LHFPL6: variants seen among roughly 807,000 people sequenced by gnomAD.
LHFPL6 encodes LHFPL tetraspan subfamily member 6 protein.
Under a neutral mutation model 20.6 loss-of-function variants are expected in LHFPL6, and 9 were observed. That is an observed-to-expected ratio of 0.44 (90% CI 0.26 to 0.76). The LOEUF (loss-of-function observed/expected upper bound fraction) is 0.76, where lower values mean the gene tolerates loss of function less well. Among genes scored for constraint, LHFPL6 ranks in the 30% least tolerant of loss-of-function variants. The pLI is 0.20. For missense variants in LHFPL6, 218 were observed against 253.5 expected, an observed-to-expected ratio of 0.86 and a Z score of 0.95; for synonymous variants, 105 against 98.7, an observed-to-expected ratio of 1.06 and a Z score of -0.38.
chr13:39,480,191 C>G (rs1379159487), intron 2 of LHFPL6, among the ~76,000 whole-genome samples: 1 of 152,062 alleles, frequency 6.6e-6, no homozygotes, highest in East Asian at 1.9e-4. Flanking sequence ...TAGAAAAGAA[C>G]AAGAAGAAAA....
intron 2 of LHFPL6, among the ~76,000 whole-genome samples, chr13:39,524,344 G>GAA (rs11374987): frequency 7.9e-4 from 115 of 145,572 alleles, no homozygotes; most frequent in African/African-American, 1.3e-3. Flanking sequence ...GTAAGGCCTA[G>GAA]AAAAAAAAAA....
At chr13:39,598,079 T>G (rs1026943932) in intron 2 of LHFPL6, among the ~76,000 whole-genome samples, 1 of 152,234 alleles carries the variant, frequency 6.6e-6, no homozygotes, top group Admixed American at 6.5e-5. Flanking sequence ...CATAGCAAAG[T>G]TCCCTGTATG....
At chr13:39,505,168 T>C (rs928338057) in intron 2 of LHFPL6, among the ~76,000 whole-genome samples, 1 of 152,194 alleles carries the variant, frequency 6.6e-6, no homozygotes, top group Non-Finnish European at 1.5e-5. Context: ...CAGTCAACCA[T>C]TCCAGGAGGA....
chr13:39,411,536 C>T (rs529946576), intron 2 of LHFPL6, among the ~76,000 whole-genome samples: 17 of 152,310 alleles, frequency 1.1e-4, no homozygotes, highest in South Asian at 8.3e-4. Flanking sequence ...CTAAGCTTAA[C>T]CAAGTCCTGC....
chr13:39,528,846 C>T (rs1264380910), intron 2 of LHFPL6, among the ~76,000 whole-genome samples: 1 of 152,202 alleles, frequency 6.6e-6, no homozygotes, highest in East Asian at 1.9e-4. Context: ...TTAACACAAC[C>T]CAGAATGAAT....
In LHFPL6 at chr13:39,557,958, C is replaced by A. The variant is rs371210791; in HGVS notation, c.385+42874G>T. On this transcript the variant is annotated intron_variant, in intron 2 of 3. Transcript: ENST00000379589. The stretch of plus-strand genomic sequence containing the variant: ...CTCTGGCCATGACACACCTGCTCCC[C>A]CTTTGTCTTCTGCCATGATTGGAAG... Among the ~76,000 whole-genome samples the A allele has an allele frequency of 3.1e-4, 47 of 152,302 alleles. No individual in the cohort carries two copies. The East Asian group carries it at 4.8e-3, about 16-fold the overall frequency.
chr13:39,381,198 AGTTTT>A (rs1870428291), intron 2 of LHFPL6, among the ~76,000 whole-genome samples: 1 of 152,174 alleles, frequency 6.6e-6, no homozygotes, highest in African/African-American at 2.4e-5. Context: ...AATGAAAAAC[AGTTTT>A]ATTTGCTAAT....
rs1294677286 is a variant in LHFPL6 at position 39,556,835 on chromosome 13, C to A, written c.385+43997G>T. On this transcript the variant is annotated intron_variant, in intron 2 of 3. Transcript: ENST00000379589. ...AAATCAGCCAGCCATGATGGCACAT[C>A]CCTGTAGTCCCAGCTACTCAAGAGG... Among the ~76,000 whole-genome samples, 5 of 149,798 alleles carry A rather than the reference C, an allele frequency of 3.3e-5. No individual in the cohort carries two copies. The South Asian group carries it at 8.7e-4, about 26-fold the overall frequency.
chr13:39,436,993 C>G (rs575632710), intron 2 of LHFPL6, among the ~76,000 whole-genome samples: 10 of 152,304 alleles, frequency 6.6e-5, no homozygotes, highest in African/African-American at 2.2e-4. Flanking sequence ...TATTTTATAA[C>G]CTGCCTAGAC....
At chr13:39,547,924 G>A (rs1871029757) in intron 2 of LHFPL6, among the ~76,000 whole-genome samples, 1 of 152,012 alleles carries the variant, frequency 6.6e-6, no homozygotes, top group Non-Finnish European at 1.5e-5. Context: ...TTATACCTTA[G>A]ATGCAAACTT....
intron 2 of LHFPL6, among the ~76,000 whole-genome samples, chr13:39,559,928 A>G (rs1316642237): frequency 6.6e-6 from 1 of 152,214 alleles, no homozygotes; most frequent in African/African-American, 2.4e-5. Context: ...ATTTAAGAAA[A>G]TCCTTCCCAC....
At chr13:39,400,391 C>G (rs1264099068) in intron 2 of LHFPL6, among the ~76,000 whole-genome samples, 1 of 152,216 alleles carries the variant, frequency 6.6e-6, no homozygotes, top group Non-Finnish European at 1.5e-5. Flanking sequence ...GGCTTCCATA[C>G]TAGTCAACAC....
intron 2 of LHFPL6, among the ~76,000 whole-genome samples, chr13:39,444,859 G>T (rs1477987576): frequency 6.6e-6 from 1 of 152,140 alleles, no homozygotes; most frequent in Non-Finnish European, 1.5e-5. Context: ...GAATGGTGTG[G>T]CCCCTGAGAC....
intron 2 of LHFPL6, among the ~76,000 whole-genome samples, chr13:39,515,638 G>A (rs942558347): frequency 2.6e-5 from 4 of 152,036 alleles, no homozygotes; most frequent in African/African-American, 9.7e-5. Flanking sequence ...ATCTCTGCCC[G>A]ACAGCAAAGC....
intron 2 of LHFPL6, among the ~76,000 whole-genome samples, chr13:39,596,583 A>G (rs1872777241): frequency 6.6e-6 from 1 of 152,068 alleles, no homozygotes; most frequent in African/African-American, 2.4e-5. Flanking sequence ...ACTCACCTGG[A>G]CCTTCTATCA....
intron 2 of LHFPL6, among the ~76,000 whole-genome samples, chr13:39,478,547 G>A (rs1258113045): frequency 6.6e-6 from 1 of 152,070 alleles, no homozygotes; most frequent in East Asian, 1.9e-4. Flanking sequence ...CAGGAAGTGC[G>A]CAGATAAAAC....
intron 2 of LHFPL6, among the ~76,000 whole-genome samples, chr13:39,490,784 C>G (rs748059384): frequency 6.6e-6 from 1 of 152,154 alleles, no homozygotes; most frequent in Non-Finnish European, 1.5e-5. Flanking sequence ...TTTCTTTACT[C>G]ATTGCTACTT....
intron 2 of LHFPL6, among the ~76,000 whole-genome samples, chr13:39,393,289 T>C (rs1870757552): frequency 6.6e-6 from 1 of 152,226 alleles, no homozygotes; most frequent in African/African-American, 2.4e-5. Context: ...GACTTCTCAC[T>C]GTGGAAACAT....
chr13:39,349,173 T>G (rs1409675167), intron 3 of LHFPL6, among the ~76,000 whole-genome samples: 1 of 152,162 alleles, frequency 6.6e-6, no homozygotes. Context: ...ACATGAAGGC[T>G]TTTTCATTTA....
Sources: allele counts gnomAD v4.1 joint callset (sites outside exome capture counted in the v4.1 genomes callset), GRCh38; gene constraint gnomAD v4.1.1; transcripts MANE v1.5; gene names NCBI Gene and HGNC (gene_info 2026-07-23, HGNC 2026-07-21).